MED13L: variants seen among roughly 807,000 people sequenced by gnomAD.
MED13L encodes mediator complex subunit 13L, also known as mediator of RNA polymerase II transcription subunit 13-like.
In MED13L, 7 loss-of-function variants were observed where a neutral mutation model predicts 220.9. The observed-to-expected ratio is 0.03, with a 90% CI of 0.02 to 0.06. The LOEUF (loss-of-function observed/expected upper bound fraction) is 0.06, where lower values mean the gene tolerates loss of function less well. MED13L is among the 10% of genes least tolerant of loss of function. The pLI is 1.00. For missense variants in MED13L, 1,965 were observed against 2,760.5 expected, an observed-to-expected ratio of 0.71 and a Z score of 6.46; for synonymous variants, 1,011 against 1,015.2, an observed-to-expected ratio of 1.00 and a Z score of 0.08.
At chr12:115,988,187 G>C (rs1039848189) in intron 17 of MED13L, among the ~76,000 whole-genome samples, 1 of 152,136 alleles carries the variant, frequency 6.6e-6, no homozygotes, top group Non-Finnish European at 1.5e-5. Flanking sequence ...AACTAAATTT[G>C]AAACACAGGA....
chr12:116,024,773 C>CGGGGGGGGGGG (rs796599611), intron 4 of MED13L, among the ~76,000 whole-genome samples: 6 of 5,092 alleles, frequency 1.2e-3, no homozygotes, highest in African/African-American at 2.9e-3. Flanking sequence ...TTTGGCGGGG[C>CGGGGGGGGGGG]GGGGGGGGGG....
intron 1 of MED13L, among the ~76,000 whole-genome samples, chr12:116,263,330 A>G (rs1872630121): frequency 6.6e-6 from 1 of 152,304 alleles, no homozygotes; most frequent in South Asian, 2.1e-4. Context: ...AAAAAGTAAA[A>G]CTGACTGAGA....
chr12:116,095,023 G>A (rs1386708164), intron 4 of MED13L, among the ~76,000 whole-genome samples: 1 of 152,092 alleles, frequency 6.6e-6, no homozygotes, highest in Non-Finnish European at 1.5e-5. Flanking sequence ...TGAGCTGGGT[G>A]TGGTGGTGTG....
At chr12:116,097,819 T>C (rs1872737615) in intron 3 of MED13L, among the ~76,000 whole-genome samples, 1 of 152,220 alleles carries the variant, frequency 6.6e-6, no homozygotes, top group Non-Finnish European at 1.5e-5. Flanking sequence ...ACATACACAA[T>C]TCAGCTGAAC....
chr12:116,172,537 C>T (rs955431741), intron 2 of MED13L, among the ~76,000 whole-genome samples: 1 of 152,180 alleles, frequency 6.6e-6, no homozygotes, highest in Non-Finnish European at 1.5e-5. Context: ...CAGTTTAAGT[C>T]TCTTTCTATT....
intron 4 of MED13L, among the ~76,000 whole-genome samples, chr12:116,032,359 A>C (rs1479826193): frequency 1.3e-5 from 2 of 152,182 alleles, no homozygotes; most frequent in African/African-American, 4.8e-5. Flanking sequence ...TTTATAATTA[A>C]ACCATGGTAA....
At position 115,959,369 on chromosome 12, in the gene MED13L, C is replaced by A. The variant is rs550187145; in HGVS notation, c.*1897G>T. On this transcript the variant is annotated 3_prime_UTR_variant, in exon 31 of 31. Transcript: ENST00000281928. ...GGTTTCTAGGGAAGAAAAGCCCCTG[C>A]ATTAAAAACAGCCCATTTAAAAAAA... The A allele has an allele frequency of 2.0e-5, 3 of 151,374 alleles. No homozygotes were observed. The South Asian group carries it at 6.3e-4, about 32-fold the overall frequency. The allele number at this position is 151,374 out of a possible 1,614,324, so 9.4% of individuals were successfully genotyped here. A position where few individuals can be genotyped will look rare whatever the true frequency, so the allele number is the denominator to read the frequency against.
At chr12:116,075,358 A>G (rs530866384) in intron 4 of MED13L, among the ~76,000 whole-genome samples, 2 of 152,298 alleles carry the variant, frequency 1.3e-5, no homozygotes, top group South Asian at 2.1e-4. Context: ...GGGGGATAAC[A>G]AGACATAAAG....
intron 2 of MED13L, among the ~76,000 whole-genome samples, chr12:116,190,106 G>C (rs573537481): frequency 6.6e-6 from 1 of 152,270 alleles, no homozygotes; most frequent in African/African-American, 2.4e-5. Context: ...AAAATGGCAA[G>C]AGTGGACATT....
At chr12:116,273,707 G>A (rs550991362) in intron 1 of MED13L, among the ~76,000 whole-genome samples, 1 of 152,276 alleles carries the variant, frequency 6.6e-6, no homozygotes, top group Admixed American at 6.5e-5. Flanking sequence ...CCATAGTCAG[G>A]AAGATTCTAA....
At chr12:115,995,000 A>C (rs1878306813) in intron 16 of MED13L, among the ~76,000 whole-genome samples, 1 of 152,212 alleles carries the variant, frequency 6.6e-6, no homozygotes, top group Admixed American at 6.5e-5. Context: ...TCATGCATAT[A>C]ATTTTTGCAA....
chr12:116,273,346 A>G (rs1441445124), intron 1 of MED13L, among the ~76,000 whole-genome samples: 1 of 152,168 alleles, frequency 6.6e-6, no homozygotes, highest in Admixed American at 6.5e-5. Flanking sequence ...ACCATCATGG[A>G]AAAAAATGCT....
At chr12:116,148,361 T>C (rs569170744) in intron 2 of MED13L, among the ~76,000 whole-genome samples, 5 of 152,010 alleles carry the variant, frequency 3.3e-5, no homozygotes, top group Admixed American at 2.0e-4. Flanking sequence ...TTATAATTGT[T>C]GATGGTGAAC....
intron 4 of MED13L, among the ~76,000 whole-genome samples, chr12:116,059,258 T>C (rs939686237): frequency 6.6e-6 from 1 of 152,050 alleles, no homozygotes; most frequent in African/African-American, 2.4e-5. Context: ...TGGGGTCTCA[T>C]TGTGTTGCTC....
intron 4 of MED13L, among the ~76,000 whole-genome samples, chr12:116,089,453 T>A (rs1348675240): frequency 6.6e-6 from 1 of 152,224 alleles, no homozygotes; most frequent in African/African-American, 2.4e-5. Flanking sequence ...ATTAAATCAA[T>A]GGGTTCAGTC....
intron 4 of MED13L, among the ~76,000 whole-genome samples, chr12:116,056,347 G>C (rs1025222330): frequency 4.6e-5 from 7 of 151,516 alleles, no homozygotes; most frequent in Non-Finnish European, 1.0e-4. Context: ...GCACAATCAC[G>C]GCTCACTGCA....
chr12:116,253,019 T>C (rs1593213742), intron 1 of MED13L, among the ~76,000 whole-genome samples: 1 of 152,222 alleles, frequency 6.6e-6, no homozygotes. Flanking sequence ...CCTAACACTT[T>C]GGGAGGCCAA....
At chr12:115,996,183 C>T (rs533488845) in intron 16 of MED13L, among the ~76,000 whole-genome samples, 10 of 151,922 alleles carry the variant, frequency 6.6e-5, no homozygotes, top group Non-Finnish European at 1.3e-4. Flanking sequence ...CTCCACCTCC[C>T]GGGTTCAAGC....
At position 116,223,685 on chromosome 12, in the gene MED13L, C is replaced by T. The variant is rs576334316; in HGVS notation, c.310+13783G>A. Among the ~76,000 whole-genome samples, 25 of 151,982 alleles carry T rather than the reference C, an allele frequency of 1.6e-4. No homozygotes were observed. The South Asian group carries it at 5.2e-3, about 32-fold the overall frequency. On this transcript the variant is annotated intron_variant, in intron 2 of 30. Coordinates refer to ENST00000281928, the MANE Select transcript of MED13L (RefSeq NM_015335.5). ...CACCATTGCACTCCAGCCTGGGCGACAAAAGCAAAACTCCATCTCAAAAAT... is the reference window on the plus strand; with the variant it reads ...CACCATTGCACTCCAGCCTGGGCGATAAAAGCAAAACTCCATCTCAAAAAT...
Sources: allele counts gnomAD v4.1 joint callset (sites outside exome capture counted in the v4.1 genomes callset), GRCh38; gene constraint gnomAD v4.1.1; transcripts MANE v1.5; gene names NCBI Gene and HGNC (gene_info 2026-07-23, HGNC 2026-07-21).